PLXND1: variants seen among roughly 807,000 people sequenced by gnomAD.
PLXND1 encodes the protein plexin-D1.
A neutral mutation model predicts 197.7 loss-of-function variants in PLXND1; 54 were observed. The ratio of observed to expected loss-of-function variants is 0.27; its 90% CI spans 0.22 to 0.34. The LOEUF is 0.34. Ranked by LOEUF, PLXND1 falls within the 10% of genes least tolerant of loss-of-function variation. The pLI, the probability that PLXND1 is intolerant of heterozygous loss-of-function variation, is 1.00. For missense variants in PLXND1, 2,127 were observed against 2,699.2 expected (o/e 0.79, Z 4.70); for synonymous variants, 1,180 against 1,161.2 (o/e 1.02, Z -0.33).
intron 3 of PLXND1, 28 bp from the exon 4 acceptor site, chr3:129,586,300 A>C: frequency 2.7e-6 from 4 of 1,491,632 alleles, no homozygotes; most frequent in Non-Finnish European, 2.7e-6. Flanking sequence ...GGCCCAGCTC[A>C]ATGGGACTGC....
At chr3:129,573,797 C>G in intron 12 of PLXND1, 52 bp from the exon 13 acceptor site, 1 of 1,581,990 alleles carries the variant, frequency 6.3e-7, no homozygotes, top group Non-Finnish European at 8.6e-7. Context: ...TGCAGGCCAG[C>G]AGGCTTCTGC....
Position 129,605,750 on chromosome 3 carries a change from G to C in PLXND1, c.890C>G (p.Ala297Gly). 6.4e-7 allele frequency: 1 copy of C among 1,555,878 alleles called. No homozygotes were observed. The highest frequency in any genetic ancestry group is 1.7e-4 in the Middle Eastern group (1 of 5,966). Residue 297 changes from alanine to glycine, a missense_variant, in exon 1 of 36, where the codon GCG becomes GGG. Physicochemically the swap from Ala to Gly is moderately conservative, Grantham distance 60. Coordinates refer to ENST00000324093, the MANE Select transcript of PLXND1 (RefSeq NM_015103.3). The part of the protein sequence containing the change: ...SDPPPGAQSY[A>G]YLALNSEARA... ...CGCCTCGCTGTTGAGCGCCAGGTAC[G>C]CGTAGGACTGTGCACCCGGCGGCGG...
In PLXND1 at chr3:129,606,016, G is replaced by T. The variant is rs1286469353; in HGVS notation, c.624C>A (p.Leu208=). The T allele has an allele frequency of 6.2e-7, 1 of 1,606,416 alleles. No homozygotes were observed. Among genetic ancestry groups the T allele is most frequent in the South Asian group, 1.1e-5 (1 of 90,718 alleles). ...PAAGAGGSRL[L]VGATYTGYGS... ...CGTAACCGGTGTACGTGGCGCCCACGAGCAGGCGGCTGCCCCCCGCGCCCG... is the reference window on the plus strand; with the variant it reads ...CGTAACCGGTGTACGTGGCGCCCACTAGCAGGCGGCTGCCCCCCGCGCCCG... Residue 208 remains leucine, a synonymous_variant, in exon 1 of 36, where the codon CTC becomes CTA. Transcript: ENST00000324093.
At chr3:129,571,900 C>G (rs933760227) in intron 15 of PLXND1, 56 bp from the exon 16 acceptor site, 75 of 1,516,584 alleles carry the variant, frequency 4.9e-5, no homozygotes, top group African/African-American at 3.0e-4. Context: ...CACCCACCGC[C>G]AATGCCCCTG....
chr3:129,574,233 G>T, intron 12 of PLXND1, 103 bp downstream of exon 12: 1 of 1,050,272 alleles, frequency 9.5e-7, no homozygotes, highest in East Asian at 2.6e-5. Context: ...CCATGTGTCG[G>T]TGTATGTGCC....
At chr3:129,580,622 C>T (rs1013665916) in intron 8 of PLXND1, among the ~76,000 whole-genome samples, 6 of 152,086 alleles carry the variant, frequency 3.9e-5, no homozygotes, top group Non-Finnish European at 7.4e-5. Flanking sequence ...TGACCATCCC[C>T]GAGGGCCACC....
At chr3:129,585,321 T>C (rs571760525) in intron 5 of PLXND1, among the ~76,000 whole-genome samples, 7 of 152,284 alleles carry the variant, frequency 4.6e-5, no homozygotes, top group African/African-American at 1.7e-4. Context: ...GAGAAGTCAC[T>C]GAGAGCCAGA....
chr3:129,564,188 C>G (rs1227015907), intron 25 of PLXND1, among the ~76,000 whole-genome samples: 2 of 152,244 alleles, frequency 1.3e-5, no homozygotes, highest in Admixed American at 6.5e-5. Flanking sequence ...CCCCACTACC[C>G]CCTTCCCCCA....
chr3:129,565,314 C>T (rs1044674153), intron 25 of PLXND1, 26 bp downstream of exon 25: 4 of 1,599,218 alleles, frequency 2.5e-6, no homozygotes, highest in Admixed American at 1.7e-5. Context: ...CCCGCCTGGG[C>T]TCTGTCTGTC....
chr3:129,575,131 G>A (rs1402403639), intron 11 of PLXND1, among the ~76,000 whole-genome samples: 1 of 152,182 alleles, frequency 6.6e-6, no homozygotes, highest in African/African-American at 2.4e-5. Flanking sequence ...CTGCACAGCT[G>A]CCACGCGAGG....
rs576933990 is a variant in PLXND1 at position 129,558,354 on chromosome 3, G to A, written c.5445+74C>T. 29 of 1,414,184 alleles carry A rather than the reference G, an allele frequency of 2.1e-5. No homozygotes were observed. In the African/African-American group the frequency reaches 3.2e-4, roughly 16 times the overall value. 87.6% of individuals were successfully genotyped at this position (1,414,184 alleles called of 1,614,324 possible). ...TCTCTGAGCTCAGCCTCAGAGAGTC[G>A]AGGAGGCTACCCATGGTCGGCACCC... On this transcript the variant is annotated intron_variant, in intron 33 of 35. Coordinates refer to ENST00000324093, the MANE Select transcript of PLXND1 (RefSeq NM_015103.3). The surrounding 1 kb of genome is among the most constrained non-coding windows in gnomAD (Gnocchi z 4.1).
Position 129,557,132 on chromosome 3 carries a change from G to A in PLXND1, c.5537C>T (p.Thr1846Met), listed in dbSNP as rs141415531. 4.5e-5 allele frequency: 72 copies of A among 1,614,074 alleles called. No individual in the cohort carries two copies. The African/African-American group carries it at 6.3e-4, about 14-fold the overall frequency. Residue 1846 changes from threonine to methionine, a missense_variant, in exon 34 of 36, where the codon ACG becomes ATG. Around this residue, in one of 6 missense-constraint regions of PLXND1, gnomAD observed 200 missense variants for 303.3 expected, o/e 0.66. Transcript: ENST00000324093. The surrounding 1 kb of genome is among the most constrained non-coding windows in gnomAD (Gnocchi z 4.8). ...ATTCATCTCTTGCTCGCTGAGCGGC[G>A]TCATGTCCTGGATCTGCTTGTAGTA... is the stretch of plus-strand genomic sequence containing the variant. The part of the protein sequence containing the change: ...QRYYKQIQDM[T>M]PLSEQEMNAH...
chr3:129,561,739 G>A (rs1339347235), intron 28 of PLXND1, 30 bp from the exon 29 acceptor site: 3 of 1,573,258 alleles, frequency 1.9e-6, no homozygotes, highest in South Asian at 1.2e-5. Flanking sequence ...CGAGGTCAGA[G>A]GCCGGAGGTT....
rs201279877 is a variant in PLXND1 at position 129,567,809 on chromosome 3, C to T, written c.3866-4G>A. ...TTGGTACAGAAGACGAACAGGGCTG[C>T]GGGCAGTGGAGAGGCAGGTCAGGCC... On this transcript the variant is annotated splice_polypyrimidine_tract_variant and splice_region_variant and intron_variant, in intron 20 of 35. Coordinates refer to ENST00000324093, the MANE Select transcript of PLXND1 (RefSeq NM_015103.3). 1,317 of 1,588,474 alleles carry T rather than the reference C, an allele frequency of 8.3e-4. 1 individual carries two copies. Among genetic ancestry groups the T allele is most frequent in the Middle Eastern group, 1.3e-3 (8 of 5,984 alleles).
chr3:129,600,552 C>A (rs1458675537), intron 1 of PLXND1, among the ~76,000 whole-genome samples: 1 of 152,006 alleles, frequency 6.6e-6, no homozygotes, highest in Non-Finnish European at 1.5e-5. Flanking sequence ...CTGGGACACA[C>A]AGCTTATGGA....
chr3:129,584,007 C>G (rs1011556237), intron 7 of PLXND1, 118 bp downstream of exon 7: 1 of 680,514 alleles, frequency 1.5e-6, no homozygotes, highest in Non-Finnish European at 2.7e-6. Flanking sequence ...AACTGAAGGG[C>G]CTGTCTACCT....
chr3:129,575,240 T>A (rs570926649), intron 11 of PLXND1, among the ~76,000 whole-genome samples: 154 of 151,018 alleles, frequency 1.0e-3, no homozygotes, highest in African/African-American at 3.6e-3. Context: ...CTGTTTCCTA[T>A]GGGGACGATC....
chr3:129,599,910 C>G (rs976450689), intron 1 of PLXND1, among the ~76,000 whole-genome samples: 4 of 152,248 alleles, frequency 2.6e-5, no homozygotes, highest in Admixed American at 1.3e-4. Flanking sequence ...GGGCAAGTCA[C>G]TTCCCCTCTC....
Position 129,561,091 on chromosome 3 carries a change from A to G in PLXND1, c.4994-368T>C, listed in dbSNP as rs1176733913. ...GGGACAGCGGTGGAGAGAAACAGGA[A>G]GATGCAGCCACGGGGGAGGAGGGGC... is the stretch of plus-strand genomic sequence containing the variant. On this transcript the variant is annotated intron_variant, in intron 29 of 35. Coordinates refer to ENST00000324093, the MANE Select transcript of PLXND1 (RefSeq NM_015103.3). 8.4e-6 allele frequency: 4 copies of G among 477,420 alleles called. No individual in the cohort carries two copies. In the Admixed American group the frequency reaches 9.3e-5, roughly 11 times the overall value. 29.6% of individuals were successfully genotyped at this position (477,420 alleles called of 1,614,324 possible).
Sources: allele counts gnomAD v4.1 joint callset (sites outside exome capture counted in the v4.1 genomes callset), GRCh38; gene constraint gnomAD v4.1.1; regional missense constraint gnomAD v4.1.1; non-coding constraint Gnocchi (gnomAD v3.1); transcripts MANE v1.5; gene names NCBI Gene and HGNC (gene_info 2026-07-23, HGNC 2026-07-21).